RPL15: variants seen among roughly 807,000 people sequenced by gnomAD.
The protein encoded by RPL15 is large ribosomal subunit protein eL15.
For synonymous variants in RPL15, 97 were observed against 95.1 expected (o/e 1.02, Z -0.12); for missense variants, 161 against 271.8 (o/e 0.59, Z 2.87).
rs1704968020 is a variant in RPL15 at position 23,919,744 on chromosome 3, C to T, written c.*243C>T. Reference sequence around the variant, plus strand: ...GGGAGTTGTATGTCAGTGTATAAAACATACTGTGTGGTATAACAGGCTTAA... The same window carrying T: ...GGGAGTTGTATGTCAGTGTATAAAATATACTGTGTGGTATAACAGGCTTAA... On this transcript the variant is annotated 3_prime_UTR_variant, in exon 4 of 4. Transcript: ENST00000307839. The T allele has an allele frequency of 3.1e-6, 4 of 1,295,110 alleles. No homozygotes were observed. In the East Asian group the frequency reaches 9.3e-5, roughly 30 times the overall value. 80.2% of individuals were successfully genotyped at this position (1,295,110 alleles called of 1,614,324 possible). A position where few individuals can be genotyped will look rare whatever the true frequency, so the allele number is the denominator to read the frequency against.
upstream of RPL15, chr3:23,916,621 G>A (rs557722152): frequency 6.6e-6 from 1 of 152,444 alleles, no homozygotes; most frequent in African/African-American, 2.4e-5. Flanking sequence ...CTCCGCGAAG[G>A]CCTCCCTGGG....
At chr3:23,921,658 T>G (rs533743768), downstream of RPL15, 12 of 576,648 alleles carry the variant, frequency 2.1e-5, no homozygotes, top group African/African-American at 1.4e-4. Context: ...CACTGCAACC[T>G]CTGTCTCCCG....
In RPL15 at chr3:23,920,491, CTA is replaced by C. The variant is rs769278191; in HGVS notation, c.*992_*993del. On this transcript the variant is annotated 3_prime_UTR_variant, in exon 4 of 4. Coordinates refer to ENST00000307839, the MANE Select transcript of RPL15 (RefSeq NM_002948.5). The stretch of plus-strand genomic sequence containing the variant: ...ACCATCACTTGTGCACCCACTTTGA[CTA>C]TGAGTATACCACCACATTGCATTTC... The C allele has an allele frequency of 1.1e-5, 11 of 984,990 alleles. No individual in the cohort carries two copies. Among genetic ancestry groups the C allele is most frequent in the Non-Finnish European group, 1.3e-5 (11 of 829,558 alleles). The allele number at this position is 984,990 out of a possible 1,614,324, so 61.0% of individuals were successfully genotyped here. A position where few individuals can be genotyped will look rare whatever the true frequency, so the allele number is the denominator to read the frequency against.
At chr3:23,918,120 GTCTT>G (rs1704776734) in intron 2 of RPL15, 89 bp downstream of exon 2, 3 of 1,473,602 alleles carry the variant, frequency 2.0e-6, no homozygotes, top group Non-Finnish European at 1.8e-6. Flanking sequence ...CTGCCTCAGT[GTCTT>G]TCTTCGCATA....
chr3:23,917,622 C>T, intron 1 of RPL15: 1 of 470,650 alleles, frequency 2.1e-6, no homozygotes, highest in South Asian at 2.9e-5. Flanking sequence ...TTAATTCGCC[C>T]CACCAAAACG....
At chr3:23,917,505 G>C (rs1306204621) in intron 1 of RPL15, 1 of 177,170 alleles carries the variant, frequency 5.6e-6, no homozygotes, top group Non-Finnish European at 1.2e-5. Context: ...CTCGGTGGCC[G>C]CAGCAGTACC....
chr3:23,917,644 G>T (rs976957086), intron 1 of RPL15: 5 of 527,454 alleles, frequency 9.5e-6, no homozygotes, highest in African/African-American at 3.9e-5. Context: ...GCCGAGCACC[G>T]CTCTGTGCTG....
At chr3:23,923,152 A>G (rs1192520779), downstream of RPL15, 1 of 151,312 alleles carries the variant, frequency 6.6e-6, no homozygotes, top group Non-Finnish European at 1.5e-5. Flanking sequence ...GATATGATAC[A>G]CATTGTTGAT....
rs770349776 is a variant in RPL15, at chr3:23,919,548, A to G, written c.*47A>G. 1 of 1,466,800 alleles carries G rather than the reference A, an allele frequency of 6.8e-7. No individual in the cohort carries two copies. The highest frequency in any genetic ancestry group is 2.5e-5 in the East Asian group (1 of 40,604). 90.9% of individuals were successfully genotyped at this position (1,466,800 alleles called of 1,614,324 possible). ...TCATACTTAATAAACAATTTAGGAC[A>G]GTCATGTCTGCTTACAGGTGTTATT... On this transcript the variant is annotated 3_prime_UTR_variant, in exon 4 of 4. Coordinates refer to ENST00000307839, the MANE Select transcript of RPL15 (RefSeq NM_002948.5).
intron 3 of RPL15, chr3:23,918,954 T>A (rs1208101470): frequency 7.2e-6 from 4 of 558,734 alleles, no homozygotes; most frequent in African/African-American, 5.6e-5. Flanking sequence ...AACATATTCC[T>A]GCCCTAGTCA....
chr3:23,924,092 A>G (rs550283155), downstream of RPL15: 1 of 152,342 alleles, frequency 6.6e-6, no homozygotes, highest in African/African-American at 2.4e-5. Context: ...AGTGATCCAG[A>G]TAGCATAGCT....
downstream of RPL15, chr3:23,922,760 C>G (rs1705132760): frequency 6.6e-6 from 1 of 152,082 alleles, no homozygotes; most frequent in South Asian, 2.1e-4. The surrounding 1 kb of genome is among the most constrained non-coding windows in gnomAD (Gnocchi z 4.2). Context: ...CAGTACAAAC[C>G]CTTCTGCCTC....
rs140106884 is a variant in RPL15 at position 23,919,848 on chromosome 3, G to A, written c.*347G>A. On this transcript the variant is annotated 3_prime_UTR_variant, in exon 4 of 4. Transcript: ENST00000307839. ...ATGTGATGAAACCTGCAGCTTTATC[G>A]GAGTGATGGCAATGCTCTGCTGGTT... is the stretch of plus-strand genomic sequence containing the variant. The A allele has an allele frequency of 6.9e-5, 70 of 1,020,162 alleles. No individual in the cohort carries two copies. Among genetic ancestry groups the A allele is most frequent in the African/African-American group, 6.3e-4 (37 of 58,662 alleles). 63.2% of individuals were successfully genotyped at this position (1,020,162 alleles called of 1,614,324 possible). A position where few individuals can be genotyped will look rare whatever the true frequency, so the allele number is the denominator to read the frequency against.
rs781280751 is a variant in RPL15 at position 23,918,553 on chromosome 3, C to G, written c.286C>G (p.Arg96Gly). 1 of 1,613,926 alleles carries G rather than the reference C, an allele frequency of 6.2e-7. No individual in the cohort carries two copies. Among genetic ancestry groups the G allele is most frequent in the Non-Finnish European group, 8.5e-7 (1 of 1,179,934 alleles). ...TGGTGTTAACCAGCTAAAGTTTGCT[C>G]GAAGCCTTCAGTCCGTTGCAGAGGT... ...HHGVNQLKFARSLQSVAEERA... is the reference protein window; with the variant it reads ...HHGVNQLKFAGSLQSVAEERA... The change falls in exon 3 of 4, where the codon CGA becomes GGA. Residue 96 changes from arginine to glycine, a missense_variant. Coordinates refer to ENST00000307839, the MANE Select transcript of RPL15 (RefSeq NM_002948.5).
rs754000275 is a variant in RPL15 at position 23,919,461 on chromosome 3, G to C, written c.575G>C (p.Trp192Ser). ...HTIGGSRRAAWRRRNTLQLHR... is the reference protein window; with the variant it reads ...HTIGGSRRAASRRRNTLQLHR... ...ATTGGTGGCTCTCGCCGGGCAGCTT[G>C]GAGAAGGCGCAATACTCTCCAGCTC... is the stretch of plus-strand genomic sequence containing the variant. Residue 192 changes from tryptophan (W) to serine (S), a missense_variant, in exon 4 of 4, where the codon TGG becomes TCG. Trp to Ser is a radical substitution (Grantham distance 177, BLOSUM62 -3). Transcript: ENST00000307839. 3.1e-6 allele frequency: 5 copies of C among 1,602,348 alleles called. No individual in the cohort carries two copies. The highest frequency in any genetic ancestry group is 1.7e-5 in the Admixed American group (1 of 59,770).
Position 23,918,614 on chromosome 3 carries a change from C to T in RPL15, c.309+38C>T, listed in dbSNP as rs1424197273. The T allele has an allele frequency of 5.0e-6, 8 of 1,598,592 alleles. No homozygotes were observed. The South Asian group carries it at 5.6e-5, about 11-fold the overall frequency. ...GAGTAGCAGTTATATTGAATACTGC[C>T]TGGGGATGGTGGGAGAGAGAGATTA... is the stretch of plus-strand genomic sequence containing the variant. On this transcript the variant is annotated intron_variant, in intron 3 of 3. Transcript: ENST00000307839.
chr3:23,921,178 G>T (rs1296025521), downstream of RPL15, among the ~76,000 whole-genome samples: 1 of 152,086 alleles, frequency 6.6e-6, no homozygotes, highest in Non-Finnish European at 1.5e-5. Flanking sequence ...GGAGAGAAAG[G>T]GTTCGGGCCA....
chr3:23,920,008 A>G lies in RPL15; in HGVS notation c.*507A>G, dbSNP rs1330721020. ...CATTTTAAATTCACATAAAAGGTGAAAGCTCCTGGTTCAGTGCCATGGCTT... is the reference window on the plus strand; with the variant it reads ...CATTTTAAATTCACATAAAAGGTGAGAGCTCCTGGTTCAGTGCCATGGCTT... On this transcript the variant is annotated 3_prime_UTR_variant, in exon 4 of 4. Coordinates refer to ENST00000307839, the MANE Select transcript of RPL15 (RefSeq NM_002948.5). 4.7e-5 allele frequency: 46 copies of G among 986,724 alleles called. No homozygotes were observed. The highest frequency in any genetic ancestry group is 5.5e-5 in the Non-Finnish European group (46 of 830,692). The allele number at this position is 986,724 out of a possible 1,614,324, so 61.1% of individuals were successfully genotyped here.
chr3:23,921,427 C>G (rs972376539), downstream of RPL15, among the ~76,000 whole-genome samples: 1 of 152,188 alleles, frequency 6.6e-6, no homozygotes, highest in Non-Finnish European at 1.5e-5. Flanking sequence ...CAAACACTTC[C>G]TAATGCCTTT....
Sources: gnomAD v4.1 joint callset for allele counts (sites outside exome capture counted in the v4.1 genomes callset) on GRCh38, gnomAD v4.1.1 for gene constraint, Gnocchi (gnomAD v3.1) non-coding constraint, MANE v1.5 for transcripts, NCBI Gene and HGNC (gene_info 2026-07-23, HGNC 2026-07-21) for gene names.